The following DGKB variants were observed in gnomAD, a reference collection of about 807,000 sequenced individuals.
DGKB encodes diacylglycerol kinase beta.
Under a neutral mutation model 114.3 loss-of-function variants are expected in DGKB, and 67 were observed. The observed-to-expected ratio is 0.59, with a 90% CI of 0.48 to 0.72. The LOEUF (loss-of-function observed/expected upper bound fraction) is 0.72, where lower values mean the gene tolerates loss of function less well. Among genes scored for constraint, DGKB ranks in the 30% least tolerant of loss-of-function variants. The pLI is 0.00. For missense variants in DGKB, 907 were observed against 975.2 expected, an observed-to-expected ratio of 0.93 and a Z score of 0.93; for synonymous variants, 398 against 323.1, an observed-to-expected ratio of 1.23 and a Z score of -2.49.
intron 13 of DGKB, among the ~76,000 whole-genome samples, chr7:14,659,679 C>T (rs1045547151): frequency 1.4e-5 from 2 of 148,138 alleles, no homozygotes; most frequent in African/African-American, 2.5e-5. Context: ...CGTCTGCAAA[C>T]AGGGACAATT....
At chr7:14,835,926 G>A (rs1847098800) in intron 2 of DGKB, among the ~76,000 whole-genome samples, 1 of 152,074 alleles carries the variant, frequency 6.6e-6, no homozygotes, top group Non-Finnish European at 1.5e-5. Context: ...CTTACTGCGA[G>A]GATTAAATGA....
At chr7:14,554,855 C>A (rs1484836180) in intron 20 of DGKB, among the ~76,000 whole-genome samples, 6 of 151,948 alleles carry the variant, frequency 3.9e-5, no homozygotes, top group East Asian at 1.9e-4. Flanking sequence ...ATTTTTTAAA[C>A]TGGAATTCAA....
intron 1 of DGKB, among the ~76,000 whole-genome samples, chr7:14,850,697 G>T (rs1849234244): frequency 6.6e-6 from 1 of 152,150 alleles, no homozygotes; most frequent in African/African-American, 2.4e-5. Flanking sequence ...ACCTAAAAAT[G>T]TGGTGAAGTG....
chr7:14,853,854 C>T (rs1379996245), intron 1 of DGKB, among the ~76,000 whole-genome samples: 11 of 125,466 alleles, frequency 8.8e-5, no homozygotes, highest in Admixed American at 5.5e-4. Context: ...GGCGACAGAC[C>T]GAGACTCCGT....
intron 1 of DGKB, among the ~76,000 whole-genome samples, chr7:14,874,942 C>T (rs1205881926): frequency 2.0e-5 from 3 of 151,896 alleles, no homozygotes; most frequent in Admixed American, 1.3e-4. Flanking sequence ...ATTTTGCTAG[C>T]GTAACGGGGA....
At chr7:14,930,781 T>G (rs1784975761) in intron 1 of DGKB, among the ~76,000 whole-genome samples, 1 of 152,174 alleles carries the variant, frequency 6.6e-6, no homozygotes, top group Non-Finnish European at 1.5e-5. Context: ...CTTGACTTGT[T>G]CCAGTTCTTA....
intron 2 of DGKB, among the ~76,000 whole-genome samples, chr7:14,775,304 T>A (rs1382232506): frequency 2.0e-5 from 3 of 152,012 alleles, no homozygotes; most frequent in Non-Finnish European, 2.9e-5. Context: ...AGCAGCCTCT[T>A]ATTTTGAGCA....
At chr7:14,847,317 T>C (rs915772940) in intron 1 of DGKB, among the ~76,000 whole-genome samples, 4 of 147,096 alleles carry the variant, frequency 2.7e-5, no homozygotes, top group Admixed American at 6.7e-5. Context: ...AAAGACATAC[T>C]GAAGAATATA....
chr7:14,304,223 G>C (rs1804083747), intron 23 of DGKB, among the ~76,000 whole-genome samples: 1 of 151,960 alleles, frequency 6.6e-6, no homozygotes, highest in African/African-American at 2.4e-5. Context: ...CTACCTTTCA[G>C]ATGGATTATC....
chr7:14,801,805 G>C (rs560367083), intron 2 of DGKB, among the ~76,000 whole-genome samples: 1 of 150,988 alleles, frequency 6.6e-6, no homozygotes, highest in African/African-American at 2.4e-5. Flanking sequence ...TAATAAATTA[G>C]TTTCTCTCTC....
At chr7:14,246,916 A>G (rs190448497) in intron 23 of DGKB, among the ~76,000 whole-genome samples, 1 of 152,298 alleles carries the variant, frequency 6.6e-6, no homozygotes, top group East Asian at 1.9e-4. Context: ...ACTTTATATT[A>G]GATCTTCAGA....
At chr7:14,779,957 T>G (rs995433121) in intron 2 of DGKB, among the ~76,000 whole-genome samples, 1 of 152,218 alleles carries the variant, frequency 6.6e-6, no homozygotes, top group Admixed American at 6.5e-5. Flanking sequence ...AACTATACCT[T>G]TATTTTTACA....
intron 2 of DGKB, among the ~76,000 whole-genome samples, chr7:14,766,230 C>T (rs1288479012): frequency 6.6e-6 from 1 of 151,888 alleles, no homozygotes; most frequent in Non-Finnish European, 1.5e-5. Flanking sequence ...AGAAAATATG[C>T]CTAATCCTAT....
intron 20 of DGKB, among the ~76,000 whole-genome samples, chr7:14,557,458 C>G (rs1238710752): frequency 6.6e-6 from 1 of 152,018 alleles, no homozygotes; most frequent in Non-Finnish European, 1.5e-5. Context: ...CTTTGTCTGT[C>G]ATTATACTTC....
chr7:14,841,144 T>C (rs1847876527), intron 2 of DGKB, 50 bp downstream of exon 2: 1 of 1,455,756 alleles, frequency 6.9e-7, no homozygotes, highest in Non-Finnish European at 9.5e-7. Flanking sequence ...AATGATACTT[T>C]GTCTAGCACA....
chr7:14,204,804 T>G (rs1205908221), intron 23 of DGKB, among the ~76,000 whole-genome samples: 2 of 152,064 alleles, frequency 1.3e-5, no homozygotes, highest in South Asian at 4.1e-4. Flanking sequence ...CGTACGTTCA[T>G]GTAGATCAAT....
intron 23 of DGKB, among the ~76,000 whole-genome samples, chr7:14,247,676 C>T (rs73069628): frequency 0.044 from 6,644 of 151,774 alleles, 215 homozygotes; most frequent in East Asian, 0.15. Flanking sequence ...CAGGTCTTTG[C>T]AAATTTTTTA....
At chr7:14,972,247 T>C (rs1043051382) in intron 1 of DGKB, among the ~76,000 whole-genome samples, 2 of 152,114 alleles carry the variant, frequency 1.3e-5, no homozygotes, top group Admixed American at 1.3e-4. Context: ...AGTAAAAATC[T>C]CCATTTTAGA....
chr7:14,553,256 T>A (rs1032533733), intron 20 of DGKB, among the ~76,000 whole-genome samples: 1 of 152,238 alleles, frequency 6.6e-6, no homozygotes, highest in Non-Finnish European at 1.5e-5. Context: ...CTGTATCTTT[T>A]CCTTCAAAAT....
Sources: gnomAD v4.1 joint callset for allele counts (sites outside exome capture counted in the v4.1 genomes callset) on GRCh38, gnomAD v4.1.1 for gene constraint, MANE v1.5 for transcripts, NCBI Gene and HGNC (gene_info 2026-07-23, HGNC 2026-07-21) for gene names.